The following MTCL2 variants were observed in gnomAD, a reference collection of about 807,000 sequenced individuals.
The protein encoded by MTCL2 is microtubule cross-linking factor 2.
chr20:36,804,645 A>G, the MTCL2 span: 3 of 1,529,378 alleles, frequency 2.0e-6, no homozygotes, highest in Non-Finnish European at 2.7e-6. Context: ...TTCCTCTAGG[A>G]GCATGGCCTT....
At chr20:36,847,027 C>A in the MTCL2 span, among the ~76,000 whole-genome samples, 3 of 152,168 alleles carry the variant, frequency 2.0e-5, no homozygotes, top group African/African-American at 7.2e-5. Flanking sequence ...AACACGGCTA[C>A]CACCTATTAG....
chr20:36,849,060 C>CTTTTTTTTTTTTTTTTTTTTTT, the MTCL2 span, among the ~76,000 whole-genome samples: 8 of 62,240 alleles, frequency 1.3e-4, 1 homozygote, highest in South Asian at 7.2e-4. Context: ...AGTTGGTTTC[C>CTTTTTTTTTTTTTTTTTTTTTT]TTTTTTTTTT....
the MTCL2 span, among the ~76,000 whole-genome samples, chr20:36,838,825 G>A: frequency 7.9e-5 from 12 of 151,882 alleles, no homozygotes; most frequent in Admixed American, 7.2e-4. Flanking sequence ...AAAATTAGCC[G>A]GGTGTGGTGG....
the MTCL2 span, among the ~76,000 whole-genome samples, chr20:36,787,711 C>T: frequency 1.2e-4 from 18 of 150,568 alleles, no homozygotes; most frequent in Non-Finnish European, 2.2e-4. Flanking sequence ...CATGGTGAAA[C>T]CCCATCTCTA....
the MTCL2 span, among the ~76,000 whole-genome samples, chr20:36,788,202 A>AC: frequency 1.1e-5 from 1 of 89,636 alleles, no homozygotes; most frequent in Non-Finnish European, 3.0e-5. Flanking sequence ...CTCCATCTCA[A>AC]AAAAAAAAAA....
the MTCL2 span, among the ~76,000 whole-genome samples, chr20:36,836,341 A>ATTTT: frequency 5.9e-5 from 5 of 85,404 alleles, no homozygotes; most frequent in Admixed American, 1.3e-4. Flanking sequence ...CGCCCAGCTA[A>ATTTT]TTTTTTTTTT....
the MTCL2 span, among the ~76,000 whole-genome samples, chr20:36,841,192 G>A: frequency 3.0e-4 from 39 of 129,778 alleles, no homozygotes; most frequent in African/African-American, 1.1e-3. Flanking sequence ...AATGAGCCCA[G>A]CGTGGTGGTT....
chr20:36,841,182 AAT>A, the MTCL2 span, among the ~76,000 whole-genome samples: 92 of 148,086 alleles, frequency 6.2e-4, 1 homozygote, highest in African/African-American at 2.3e-3. Flanking sequence ...AAAAAAAAAA[AAT>A]GAGCCCAGCG....
At chr20:36,812,675 A>G in the MTCL2 span, 399 of 1,610,826 alleles carry the variant, frequency 2.5e-4, 2 homozygotes, top group South Asian at 2.7e-3. Context: ...CTCCTACCCA[A>G]TCCCATGCTT....
the MTCL2 span, among the ~76,000 whole-genome samples, chr20:36,799,841 A>G: frequency 2.6e-5 from 4 of 152,244 alleles, no homozygotes; most frequent in African/African-American, 9.6e-5. Context: ...AAGCACTTTG[A>G]ATCTTCTGGC....
the MTCL2 span, among the ~76,000 whole-genome samples, chr20:36,855,403 C>T: frequency 6.6e-6 from 1 of 152,220 alleles, no homozygotes; most frequent in Non-Finnish European, 1.5e-5. Flanking sequence ...CTTCCACCTG[C>T]TCTGACCCCT....
At chr20:36,852,274 G>T in the MTCL2 span, among the ~76,000 whole-genome samples, 148 of 152,244 alleles carry the variant, frequency 9.7e-4, no homozygotes, top group Non-Finnish European at 1.2e-3. Flanking sequence ...CCTCCCATCT[G>T]CCACCCTGGC....
the MTCL2 span, chr20:36,785,814 C>T: frequency 1.9e-3 from 1,880 of 985,542 alleles, 23 homozygotes; most frequent in African/African-American, 0.031. Flanking sequence ...CACTTCGCCT[C>T]CCAGCTCTTG....
the MTCL2 span, among the ~76,000 whole-genome samples, chr20:36,809,652 T>C: frequency 3.3e-5 from 5 of 151,228 alleles, no homozygotes; most frequent in Non-Finnish European, 7.4e-5. Flanking sequence ...CTCGGCTCAC[T>C]GTAACCTCCG....
At chr20:36,862,190 G>A in the MTCL2 span, among the ~76,000 whole-genome samples, 74 of 152,338 alleles carry the variant, frequency 4.9e-4, no homozygotes, top group Non-Finnish European at 7.8e-4. Flanking sequence ...GCCTGCGCCC[G>A]GGAAAGCCCT....
chr20:36,802,780 G>A, the MTCL2 span: 1 of 1,487,994 alleles, frequency 6.7e-7, no homozygotes, highest in Non-Finnish European at 9.0e-7. Context: ...ATACCTGAAG[G>A]AGTTCCTGCT....
the MTCL2 span, among the ~76,000 whole-genome samples, chr20:36,841,140 T>C: frequency 1.9e-5 from 2 of 106,248 alleles, no homozygotes; most frequent in African/African-American, 3.8e-5. Context: ...TGAAACCCTG[T>C]CTCTACTAAA....
chr20:36,792,129 G>A, the MTCL2 span, among the ~76,000 whole-genome samples: 97 of 152,282 alleles, frequency 6.4e-4, no homozygotes, highest in African/African-American at 2.1e-3. Context: ...AGTGATAGGA[G>A]GAGCCCCGAT....
the MTCL2 span, chr20:36,794,629 A>G: frequency 6.2e-7 from 1 of 1,613,876 alleles, no homozygotes; most frequent in Non-Finnish European, 8.5e-7. This position sits in a 1 kb window ranked among gnomAD's most constrained non-coding sequence, Gnocchi z 5.4. Context: ...AAACGTCGTT[A>G]TTAGTGGAAA....
Sources: gnomAD v4.1 joint callset for allele counts (sites outside exome capture counted in the v4.1 genomes callset) on GRCh38, gnomAD v4.1.1 for gene constraint, Gnocchi (gnomAD v3.1) non-coding constraint, MANE v1.5 for transcripts, NCBI Gene and HGNC (gene_info 2026-07-23, HGNC 2026-07-21) for gene names.